PPARG: variants seen among roughly 807,000 people sequenced by gnomAD.
PPARG encodes peroxisome proliferator activated receptor gamma.
A neutral mutation model predicts 39.2 loss-of-function variants in PPARG; 17 were observed. The ratio of observed to expected loss-of-function variants is 0.43; its 90% CI spans 0.30 to 0.65. The LOEUF is 0.65. Among genes scored for constraint, PPARG ranks in the 30% least tolerant of loss-of-function variants. The pLI is 0.13. For missense variants in PPARG, 406 were observed against 585.9 expected (o/e 0.69, Z 3.17); for synonymous variants, 223 against 215.7 (o/e 1.03, Z -0.30).
intron 1 of PPARG, among the ~76,000 whole-genome samples, chr3:12,310,805 A>AC (rs2047215434): frequency 2.7e-5 from 3 of 112,980 alleles, no homozygotes; most frequent in Admixed American, 1.8e-4. Context: ...AAAAAAAAAA[A>AC]AAAAAAAAAA....
chr3:12,421,891 C>T (rs2051276132), intron 7 of PPARG, among the ~76,000 whole-genome samples: 1 of 152,270 alleles, frequency 6.6e-6, no homozygotes, highest in African/African-American at 2.4e-5. Context: ...CTTTGGATGG[C>T]TATTCTTGGC....
chr3:12,354,606 A>G (rs2125101388), intron 2 of PPARG, among the ~76,000 whole-genome samples: 1 of 152,144 alleles, frequency 6.6e-6, no homozygotes, highest in East Asian at 1.9e-4. Flanking sequence ...ACAAAAAATT[A>G]GCCAGGCGTG....
At chr3:12,385,079 C>T (rs536161652) in intron 4 of PPARG, among the ~76,000 whole-genome samples, 90 of 152,140 alleles carry the variant, frequency 5.9e-4, no homozygotes, top group Non-Finnish European at 1.1e-3. Flanking sequence ...TCAGTAAAGA[C>T]ATCTCCTTAG....
intron 6 of PPARG, among the ~76,000 whole-genome samples, chr3:12,412,933 A>C (rs912631851): frequency 6.6e-6 from 1 of 152,180 alleles, no homozygotes; most frequent in Non-Finnish European, 1.5e-5. Context: ...GCCCCCAACT[A>C]GAAGTGTAAA....
At chr3:12,300,818 G>A (rs953689939) in intron 1 of PPARG, among the ~76,000 whole-genome samples, 1 of 152,164 alleles carries the variant, frequency 6.6e-6, no homozygotes, top group African/African-American at 2.4e-5. Context: ...GGGTAAGAAT[G>A]TGTATAGTAG....
At chr3:12,316,575 A>T (rs1320753037) in intron 2 of PPARG, among the ~76,000 whole-genome samples, 1 of 152,162 alleles carries the variant, frequency 6.6e-6, no homozygotes, top group Admixed American at 6.5e-5. Flanking sequence ...TTAAAATGGT[A>T]AATTTTATAT....
At chr3:12,298,386 G>T (rs1369884129) in intron 1 of PPARG, among the ~76,000 whole-genome samples, 1 of 144,968 alleles carries the variant, frequency 6.9e-6, no homozygotes, top group Admixed American at 6.9e-5. Context: ...CATTGTGAAA[G>T]TTATATATAT....
Position 12,416,972 on chromosome 3 carries a change from A to C in PPARG, c.998A>C (p.Asn333Thr). 1 of 1,614,116 alleles carries C rather than the reference A, an allele frequency of 6.2e-7. No homozygotes were observed. Among genetic ancestry groups the C allele is most frequent in the East Asian group, 2.2e-5 (1 of 44,866 alleles). ...IIYTMLASLM[N>T]KDGVLISEGQ... The stretch of plus-strand genomic sequence containing the variant: ...TACACAATGCTGGCCTCCTTGATGA[A>C]TAAAGATGGGGTTCTCATATCCGAG... Residue 333 changes from asparagine (N) to threonine (T), a missense_variant, in exon 7 of 8, where the codon AAT becomes ACT. This residue lies in a region of PPARG where 275 missense variants were observed against 458.0 expected (regional missense o/e 0.60). Coordinates refer to ENST00000651735, the MANE Select transcript of PPARG (RefSeq NM_138711.6).
At chr3:12,301,654 G>A (rs906294529) in intron 1 of PPARG, 2 of 152,090 alleles carry the variant, frequency 1.3e-5, no homozygotes, top group African/African-American at 4.8e-5. Flanking sequence ...TGTGGGTGTA[G>A]AACGAAGGTA....
intron 2 of PPARG, among the ~76,000 whole-genome samples, chr3:12,366,993 G>T (rs774477429): frequency 6.6e-6 from 1 of 152,048 alleles, no homozygotes; most frequent in Non-Finnish European, 1.5e-5. Context: ...TTAAATGTTT[G>T]GTAGAATTCA....
At position 12,289,379 on chromosome 3, in the gene PPARG, G is replaced by C. The variant is rs551493560; in HGVS notation, c.-83+245G>C. Among the ~76,000 whole-genome samples the C allele has an allele frequency of 1.8e-4, 28 of 152,290 alleles. No individual in the cohort carries two copies. In the South Asian group the frequency reaches 5.8e-3, roughly 32 times the overall value. ...AAAATTTTTCTTCTTTTCCTTGCAA[G>C]ATTAGGGACAAAATGTAAAGTTTAT... On this transcript the variant is annotated intron_variant, in intron 1 of 7. Transcript: ENST00000651735.
chr3:12,364,526 T>G (rs981167455), intron 2 of PPARG, among the ~76,000 whole-genome samples: 1 of 152,078 alleles, frequency 6.6e-6, no homozygotes, highest in African/African-American at 2.4e-5. Context: ...TGTGTGTGGG[T>G]TTTTTGTGGA....
chr3:12,397,571 C>T (rs1013370184), intron 5 of PPARG, among the ~76,000 whole-genome samples: 3 of 151,628 alleles, frequency 2.0e-5, no homozygotes, highest in African/African-American at 4.8e-5. Flanking sequence ...CCACCATGCC[C>T]GGCTAATTTT....
chr3:12,417,825 A>G (rs909606761), intron 7 of PPARG, among the ~76,000 whole-genome samples: 1 of 142,854 alleles, frequency 7.0e-6, no homozygotes, highest in African/African-American at 2.6e-5. Context: ...GTAGTACATG[A>G]TCTGACTAAC....
At chr3:12,332,047 T>C (rs1301331035) in intron 2 of PPARG, among the ~76,000 whole-genome samples, 1 of 152,344 alleles carries the variant, frequency 6.6e-6, no homozygotes, top group Admixed American at 6.5e-5. Flanking sequence ...GAGATAGTTA[T>C]ATACTAATGG....
At chr3:12,375,007 A>G (rs1381197604) in intron 2 of PPARG, among the ~76,000 whole-genome samples, 1 of 152,234 alleles carries the variant, frequency 6.6e-6, no homozygotes, top group African/African-American at 2.4e-5. Context: ...TCCTTAACAC[A>G]TAGATGGCTA....
intron 6 of PPARG, among the ~76,000 whole-genome samples, chr3:12,408,593 G>A (rs866536853): frequency 5.0e-5 from 7 of 139,626 alleles, no homozygotes; most frequent in African/African-American, 1.7e-4. Context: ...TTTTGAGGTG[G>A]GGTCTTGCTT....
chr3:12,419,261 G>A (rs970459330), intron 7 of PPARG, among the ~76,000 whole-genome samples: 9 of 151,880 alleles, frequency 5.9e-5, no homozygotes, highest in African/African-American at 2.2e-4. Flanking sequence ...ATGTTTAATA[G>A]AACAAAAATA....
chr3:12,430,022 C>A (rs2051601536), intron 7 of PPARG, among the ~76,000 whole-genome samples: 1 of 152,172 alleles, frequency 6.6e-6, no homozygotes, highest in South Asian at 2.1e-4. Context: ...AAACTGAAGA[C>A]CAGTTTCCTT....
Sources: allele counts gnomAD v4.1 joint callset (sites outside exome capture counted in the v4.1 genomes callset), GRCh38; gene constraint gnomAD v4.1.1; regional missense constraint gnomAD v4.1.1; transcripts MANE v1.5; gene names NCBI Gene and HGNC (gene_info 2026-07-23, HGNC 2026-07-21).